Variants in PRH1 observed in about 807,000 individuals in gnomAD.
PRH1 encodes the protein proline rich protein HaeIII subfamily 1.
Under a neutral mutation model 7.9 loss-of-function variants are expected in PRH1, and 7 were observed. The observed-to-expected ratio is 0.89, with a 90% CI of 0.50 to 1.67. The LOEUF (loss-of-function observed/expected upper bound fraction) is 1.67, where lower values mean the gene tolerates loss of function less well. PRH1 is among the 40% of genes most tolerant of loss of function. PRH1 has a pLI of 0.00. For synonymous variants in PRH1, 45 were observed against 80.8 expected (o/e 0.56, Z 2.38); for missense variants, 109 against 223.6 (o/e 0.49, Z 3.27).
chr12:10,966,694 C>G (rs1250848765), intron 2 of PRH1, among the ~76,000 whole-genome samples: 1 of 87,054 alleles, frequency 1.1e-5, no homozygotes, highest in South Asian at 3.1e-4. Context: ...GCAGAAAAAC[C>G]TAACTGATAT....
At chr12:10,994,895 T>C (rs1940141859) in intron 1 of PRH1, among the ~76,000 whole-genome samples, 1 of 152,216 alleles carries the variant, frequency 6.6e-6, no homozygotes. Flanking sequence ...TGTGCACTTA[T>C]ACAAAAATCT....
At chr12:11,165,181 T>C (rs1429364112) in intron 1 of PRH1, among the ~76,000 whole-genome samples, 1 of 152,190 alleles carries the variant, frequency 6.6e-6, no homozygotes, top group Non-Finnish European at 1.5e-5. Context: ...CATAAGAAAC[T>C]ATCAAACTCA....
intron 2 of PRH1, among the ~76,000 whole-genome samples, chr12:10,948,160 G>A (rs1011407588): frequency 1.3e-5 from 2 of 152,262 alleles, no homozygotes; most frequent in African/African-American, 4.8e-5. Context: ...TCCTGAATAT[G>A]TCTGTTGGCC....
chr12:10,948,908 G>A (rs1297483967), intron 2 of PRH1, among the ~76,000 whole-genome samples: 1 of 152,062 alleles, frequency 6.6e-6, no homozygotes, highest in Admixed American at 6.6e-5. Context: ...TTGAAGTTTT[G>A]GGGTGTAATC....
chr12:11,109,574 G>C (rs936443561), intron 1 of PRH1, among the ~76,000 whole-genome samples: 1 of 152,096 alleles, frequency 6.6e-6, no homozygotes, highest in Non-Finnish European at 1.5e-5. Context: ...TTGCAGCAGA[G>C]GACCCTGACT....
chr12:11,109,453 T>C (rs975048926), intron 1 of PRH1, among the ~76,000 whole-genome samples: 4 of 152,126 alleles, frequency 2.6e-5, no homozygotes, highest in African/African-American at 9.7e-5. Context: ...CCCTCTGGGA[T>C]GAAGCTTCCA....
chr12:11,013,820 C>G lies in PRH1; in HGVS notation c.-126+33200G>C, dbSNP rs564077879. 6.7e-5 allele frequency among the ~76,000 whole-genome samples: 10 copies of G among 149,168 alleles called. 1 individual carries two copies. In the South Asian group the frequency reaches 2.2e-3, roughly 33 times the overall value. On this transcript the variant is annotated intron_variant, in intron 1 of 3. Coordinates refer to the PRH1 transcript ENST00000539853. ...GATTGGCTAACTGCAATCTATAGCT[C>G]CCAGCCTCAATCTGTTTCCCACCTT...
chr12:10,929,231 C>T (rs1388530158), intron 2 of PRH1: 7 of 1,613,726 alleles, frequency 4.3e-6, no homozygotes, highest in Non-Finnish European at 5.9e-6. Flanking sequence ...TGACACGTTT[C>T]TCCCAGCATA....
intron 2 of PRH1, chr12:10,965,153 T>C: frequency 6.9e-7 from 1 of 1,450,704 alleles, no homozygotes; most frequent in Non-Finnish European, 9.4e-7. Flanking sequence ...AACAGTTGCA[T>C]ACCAATGTAA....
chr12:10,914,138 T>C (rs2135834528), intron 2 of PRH1, among the ~76,000 whole-genome samples: 1 of 152,300 alleles, frequency 6.6e-6, no homozygotes, highest in African/African-American at 2.4e-5. Flanking sequence ...AAACATTCGA[T>C]AGCAGTCACC....
At chr12:11,029,932 TC>T (rs1942102311) in intron 1 of PRH1, among the ~76,000 whole-genome samples, 2 of 152,318 alleles carry the variant, frequency 1.3e-5, no homozygotes, top group East Asian at 3.9e-4. Flanking sequence ...GACTTTACCA[TC>T]CAATAAATTC....
chr12:11,106,731 T>C (rs901053692), intron 1 of PRH1, among the ~76,000 whole-genome samples: 1 of 152,036 alleles, frequency 6.6e-6, no homozygotes, highest in Non-Finnish European at 1.5e-5. Context: ...TAACAGAAGA[T>C]TGTGGAGTCA....
chr12:11,071,687 G>C (rs1944076646), intron 1 of PRH1, among the ~76,000 whole-genome samples: 1 of 151,258 alleles, frequency 6.6e-6, no homozygotes, highest in South Asian at 2.1e-4. Flanking sequence ...CAGCAAGTTG[G>C]GGCGGCAGCT....
chr12:11,006,450 C>A (rs1408015170), intron 1 of PRH1, among the ~76,000 whole-genome samples: 1 of 149,650 alleles, frequency 6.7e-6, no homozygotes, highest in Non-Finnish European at 1.5e-5. Flanking sequence ...TCATACCTCG[C>A]CGTAGTCTTG....
intron 1 of PRH1, among the ~76,000 whole-genome samples, chr12:11,102,524 C>T (rs1280758313): frequency 6.6e-6 from 1 of 152,136 alleles, no homozygotes; most frequent in African/African-American, 2.4e-5. Flanking sequence ...TTCCTTACAC[C>T]TTATACAAAA....
chr12:11,028,970 T>G (rs1163027300), intron 1 of PRH1, among the ~76,000 whole-genome samples: 1 of 152,298 alleles, frequency 6.6e-6, no homozygotes, highest in Non-Finnish European at 1.5e-5. Context: ...CTTATCCATT[T>G]TAGCCACCCA....
At chr12:11,075,621 G>A (rs1839567) in intron 1 of PRH1, among the ~76,000 whole-genome samples, 3,679 of 114,712 alleles carry the variant, frequency 0.032, 942 homozygotes, top group African/African-American at 0.1. Flanking sequence ...TTTTCAAAAA[G>A]TATTACAATA....
At chr12:10,998,158 C>T (rs535112635) in intron 1 of PRH1, among the ~76,000 whole-genome samples, 1 of 152,116 alleles carries the variant, frequency 6.6e-6, no homozygotes, top group Non-Finnish European at 1.5e-5. Flanking sequence ...ATTTTTCATA[C>T]TGATGTTGAA....
intron 2 of PRH1, among the ~76,000 whole-genome samples, chr12:10,956,328 C>T (rs117338647): frequency 0.015 from 2,311 of 152,196 alleles, 21 homozygotes; most frequent in South Asian, 0.031. Context: ...AACCACATTA[C>T]TATCTCAATA....
Sources: allele counts gnomAD v4.1 joint callset (sites outside exome capture counted in the v4.1 genomes callset), GRCh38; gene constraint gnomAD v4.1.1; transcripts MANE v1.5; gene names NCBI Gene and HGNC (gene_info 2026-07-23, HGNC 2026-07-21).